The following RASSF5 variants were observed in gnomAD, a reference collection of about 807,000 sequenced individuals.
RASSF5 encodes ras association domain-containing protein 5.
In RASSF5, 25 loss-of-function variants were observed where a neutral mutation model predicts 40.5. The ratio of observed to expected loss-of-function variants is 0.62; its 90% CI spans 0.45 to 0.86. RASSF5 has a LOEUF of 0.86. Ranked by LOEUF, RASSF5 falls within the 40% of genes least tolerant of loss-of-function variation. RASSF5 has a pLI of 0.00. For missense variants in RASSF5, 521 were observed against 572.8 expected (o/e 0.91, Z 0.92); for synonymous variants, 246 against 252.4 (o/e 0.97, Z 0.24).
Position 206,507,618 on chromosome 1 carries a change from C to A in RASSF5, c.16C>A (p.Pro6Thr). 1 of 1,523,146 alleles carries A rather than the reference C, an allele frequency of 6.6e-7. No homozygotes were observed. The highest frequency in any genetic ancestry group is 1.2e-5 in the South Asian group (1 of 82,714). 94.4% of individuals were successfully genotyped at this position (1,523,146 alleles called of 1,614,324 possible). ...CTAGCCGGGCATGGCCATGGCGTCC[C>A]CGGCCATCGGGCAGCGCCCGTACCC... MAMAS[P>T]AIGQRPYPLL... The change falls in exon 1 of 6, where the codon CCG becomes ACG. Residue 6 changes from proline to threonine, a missense_variant. This residue lies in a region of RASSF5 where 237 missense variants were observed against 212.0 expected (regional missense o/e 1.12). Coordinates refer to ENST00000579436, the MANE Select transcript of RASSF5 (RefSeq NM_182663.4).
intron 2 of RASSF5, among the ~76,000 whole-genome samples, chr1:206,578,233 A>AAGTGTGT (rs1444904780): frequency 2.6e-5 from 3 of 117,494 alleles, no homozygotes; most frequent in Non-Finnish European, 3.7e-5. Flanking sequence ...AAAAAAAAAA[A>AAGTGTGT]GTGTGTGTGT....
rs1290618319 is a variant in RASSF5, at chr1:206,560,236, C to T, written c.579+21943C>T. Among the ~76,000 whole-genome samples, 1 of 152,218 alleles carries T rather than the reference C, an allele frequency of 6.6e-6. No individual in the cohort carries two copies. The highest frequency in any genetic ancestry group is 1.5e-5 in the Non-Finnish European group (1 of 68,044). On this transcript the variant is annotated intron_variant, in intron 2 of 5. Transcript: ENST00000579436. The surrounding 1 kb of genome is among the most constrained non-coding windows in gnomAD (Gnocchi z 5.1). ...CTTGTCAGAACAACCTGTGTGGCTG[C>T]TCAGTTTGTGCCTGGCTAGAACAGA...
intron 1 of RASSF5, among the ~76,000 whole-genome samples, chr1:206,510,546 G>A (rs2103499065): frequency 6.6e-6 from 1 of 152,284 alleles, no homozygotes; most frequent in South Asian, 2.1e-4. Flanking sequence ...GTAACAACTA[G>A]TCTGGGCTTG....
rs113861727 is a variant in RASSF5 at position 206,535,703 on chromosome 1, C to A, written c.458-2469C>A. 7.0e-6 allele frequency among the ~76,000 whole-genome samples: 1 copy of A among 143,038 alleles called. No homozygotes were observed. Among genetic ancestry groups the A allele is most frequent in the Non-Finnish European group, 1.5e-5 (1 of 65,616 alleles). 93.8% of individuals were successfully genotyped at this position (143,038 alleles called of 152,430 possible). ...TTTCAGGGTGTGTGTGTGTGTGTGT[C>A]TGTGTGTGTGTGGTGTGTGTGTGTG... On this transcript the variant is annotated intron_variant, in intron 1 of 5. Transcript: ENST00000579436. The surrounding 1 kb of genome is among the most constrained non-coding windows in gnomAD (Gnocchi z 5.0).
At chr1:206,583,190 C>T (rs1432664335) in intron 2 of RASSF5, 79 bp from the exon 3 acceptor site, 2 of 917,292 alleles carry the variant, frequency 2.2e-6, no homozygotes, top group Non-Finnish European at 3.6e-6. Context: ...GTTAGAGAGG[C>T]TTTGGGGAGG....
intron 2 of RASSF5, among the ~76,000 whole-genome samples, chr1:206,551,570 T>G (rs1463084204): frequency 6.6e-6 from 1 of 152,208 alleles, no homozygotes; most frequent in Non-Finnish European, 1.5e-5. Flanking sequence ...CAGCCCCAGA[T>G]GGGCCCAGCC....
chr1:206,578,602 G>C (rs1007919133), intron 2 of RASSF5, among the ~76,000 whole-genome samples: 1 of 152,168 alleles, frequency 6.6e-6, no homozygotes, highest in African/African-American at 2.4e-5. Flanking sequence ...AAAAGAGTGA[G>C]AGTGAATTTT....
At chr1:206,516,733 G>A (rs562835802) in intron 1 of RASSF5, among the ~76,000 whole-genome samples, 1 of 152,214 alleles carries the variant, frequency 6.6e-6, no homozygotes, top group South Asian at 2.1e-4. Context: ...CTGGGATTAC[G>A]GGCATCAGCC....
At chr1:206,524,274 TAC>T (rs1667025576) in intron 1 of RASSF5, among the ~76,000 whole-genome samples, 1 of 140,536 alleles carries the variant, frequency 7.1e-6, no homozygotes. Context: ...CCATATGTAA[TAC>T]ATTTTATATA....
At chr1:206,574,054 G>A (rs879961874) in intron 2 of RASSF5, among the ~76,000 whole-genome samples, 1 of 152,198 alleles carries the variant, frequency 6.6e-6, no homozygotes, top group Non-Finnish European at 1.5e-5. Context: ...GACTACTGTC[G>A]GTTTTTAATA....
chr1:206,567,735 C>T (rs782408645), intron 2 of RASSF5, among the ~76,000 whole-genome samples: 1 of 152,024 alleles, frequency 6.6e-6, no homozygotes, highest in South Asian at 2.1e-4. Flanking sequence ...TGTTCACAGA[C>T]AAGGGCAGGC....
intron 1 of RASSF5, among the ~76,000 whole-genome samples, chr1:206,510,654 C>G (rs1553394520): frequency 6.6e-6 from 1 of 152,076 alleles, no homozygotes; most frequent in African/African-American, 2.4e-5. Context: ...ATAGACATCC[C>G]AGAAAATTTG....
rs1558509946 is a variant in RASSF5, at chr1:206,552,445, A to G, written c.579+14152A>G. Among the ~76,000 whole-genome samples, 1 of 152,190 alleles carries G rather than the reference A, an allele frequency of 6.6e-6. No homozygotes were observed. Among genetic ancestry groups the G allele is most frequent in the Non-Finnish European group, 1.5e-5 (1 of 68,030 alleles). On this transcript the variant is annotated intron_variant, in intron 2 of 5. Coordinates refer to ENST00000579436, the MANE Select transcript of RASSF5 (RefSeq NM_182663.4). The surrounding 1 kb of genome is among the most constrained non-coding windows in gnomAD (Gnocchi z 4.1). ...ATCAGAGGAGAGAATAGCAAGAGCTAAGCCACAAGAGGGAAGGGTGGCTTC... is the reference window on the plus strand; with the variant it reads ...ATCAGAGGAGAGAATAGCAAGAGCTGAGCCACAAGAGGGAAGGGTGGCTTC...
chr1:206,583,010 T>C, intron 2 of RASSF5: 1 of 397,580 alleles, frequency 2.5e-6, no homozygotes, highest in South Asian at 2.5e-5. Flanking sequence ...GCCTGTGCAG[T>C]AGGTATTGTT....
intron 1 of RASSF5, among the ~76,000 whole-genome samples, chr1:206,512,094 T>C (rs1351120110): frequency 5.9e-5 from 9 of 152,288 alleles, no homozygotes; most frequent in South Asian, 4.1e-4. Context: ...TAGCCCCGTG[T>C]TTGGCTTTAG....
At chr1:206,578,030 C>G (rs2103561489) in intron 2 of RASSF5, among the ~76,000 whole-genome samples, 1 of 151,984 alleles carries the variant, frequency 6.6e-6, no homozygotes, top group East Asian at 1.9e-4. Flanking sequence ...TGAGACCAGC[C>G]TGGGCAACAT....
At chr1:206,562,149 TCTC>T (rs1226672272) in intron 2 of RASSF5, among the ~76,000 whole-genome samples, 1 of 151,978 alleles carries the variant, frequency 6.6e-6, no homozygotes, top group African/African-American at 2.4e-5. Flanking sequence ...AATTGTTCCA[TCTC>T]CTCCTGCCTG....
intron 2 of RASSF5, among the ~76,000 whole-genome samples, chr1:206,569,059 C>T (rs1171926611): frequency 6.6e-6 from 1 of 152,228 alleles, no homozygotes; most frequent in Non-Finnish European, 1.5e-5. Context: ...TGGGAAGTCC[C>T]CACTACCTGA....
chr1:206,588,649 G>A lies in RASSF5; in HGVS notation c.*1671G>A, dbSNP rs1192425841. The A allele has an allele frequency of 6.6e-6, 1 of 152,402 alleles. No individual in the cohort carries two copies. Among genetic ancestry groups the A allele is most frequent in the Non-Finnish European group, 1.5e-5 (1 of 68,072 alleles). 9.4% of individuals were successfully genotyped at this position (152,402 alleles called of 1,614,324 possible). On this transcript the variant is annotated 3_prime_UTR_variant, in exon 6 of 6. Coordinates refer to ENST00000579436, the MANE Select transcript of RASSF5 (RefSeq NM_182663.4). The stretch of plus-strand genomic sequence containing the variant: ...TACTGCCCCTGATCCCAGAAGGAAT[G>A]CTGACCCCTCGTCGTATGAACTGTG...
Sources: gnomAD v4.1 joint callset for allele counts (sites outside exome capture counted in the v4.1 genomes callset) on GRCh38, gnomAD v4.1.1 for gene constraint, gnomAD v4.1.1 regional missense constraint, Gnocchi (gnomAD v3.1) non-coding constraint, MANE v1.5 for transcripts, NCBI Gene and HGNC (gene_info 2026-07-23, HGNC 2026-07-21) for gene names.